Variants in CACNA1G observed in about 807,000 individuals in gnomAD.
The protein encoded by CACNA1G is calcium voltage-gated channel subunit alpha1 G, also known as voltage-dependent T-type calcium channel subunit alpha-1G.
Under a neutral mutation model 219.4 loss-of-function variants are expected in CACNA1G, and 67 were observed. That is an observed-to-expected ratio of 0.31 (90% CI 0.25 to 0.37). CACNA1G has a LOEUF of 0.37. Ranked by LOEUF, CACNA1G falls within the 10% of genes least tolerant of loss-of-function variation. The pLI, the probability that CACNA1G is intolerant of heterozygous loss-of-function variation, is 1.00. For synonymous variants in CACNA1G, 1,296 were observed against 1,345.3 expected (o/e 0.96, Z 0.80); for missense variants, 2,380 against 3,231.4 (o/e 0.74, Z 6.39).
chr17:50,620,869 G>T (rs1227207186), intron 34 of CACNA1G, among the ~76,000 whole-genome samples: 2 of 152,236 alleles, frequency 1.3e-5, no homozygotes, highest in Non-Finnish European at 2.9e-5. Context: ...ACAGGGAAAG[G>T]TTGTGGGAGA....
chr17:50,598,855 T>A (rs918838586), intron 16 of CACNA1G, among the ~76,000 whole-genome samples: 2 of 152,144 alleles, frequency 1.3e-5, no homozygotes, highest in African/African-American at 4.8e-5. Context: ...GCCTCCTGAG[T>A]AGCTGGGATT....
In CACNA1G at chr17:50,568,996, G is replaced by A. The variant is rs1391823877; in HGVS notation, c.354+15G>A. 11 of 1,488,056 alleles carry A rather than the reference G, an allele frequency of 7.4e-6. No individual in the cohort carries two copies. Among genetic ancestry groups the A allele is most frequent in the Non-Finnish European group, 1.0e-5 (11 of 1,103,864 alleles). The allele number at this position is 1,488,056 out of a possible 1,614,324, so 92.2% of individuals were successfully genotyped here. On this transcript the variant is annotated intron_variant, in intron 2 of 37. Coordinates refer to ENST00000359106, the MANE Select transcript of CACNA1G (RefSeq NM_018896.5). Reference sequence around the variant, plus strand: ...GGATCCTGCAGGTGAGTGTGTGTGTGTGTGTGTGTGTGTGTGTGTTGTGTG... The same window carrying A: ...GGATCCTGCAGGTGAGTGTGTGTGTATGTGTGTGTGTGTGTGTGTTGTGTG...
At position 50,599,842 on chromosome 17, in the gene CACNA1G, G is replaced by A. The variant is rs1171766628; in HGVS notation, c.3673G>A (p.Asp1225Asn). 9.3e-6 allele frequency: 15 copies of A among 1,607,514 alleles called. No individual in the cohort carries two copies. Among genetic ancestry groups the A allele is most frequent in the African/African-American group, 2.7e-5 (2 of 75,046 alleles). The change falls in exon 17 of 38, where the codon GAT becomes AAT. Residue 1225 changes from aspartate to asparagine, a missense_variant. Transcript: ENST00000359106. Reference sequence around the variant, plus strand: ...CCCCCCACTGGATGGGGATGACGCCGATGACGAGGGCAACCTGGTGAGGCC... The same window carrying A: ...CCCCCCACTGGATGGGGATGACGCCAATGACGAGGGCAACCTGGTGAGGCC... ...DDPPLDGDDADDEGNLSKGER... is the reference protein window; with the variant it reads ...DDPPLDGDDANDEGNLSKGER...
At chr17:50,606,224 T>C in intron 23 of CACNA1G, 1 of 771,606 alleles carries the variant, frequency 1.3e-6, no homozygotes, top group East Asian at 2.6e-5. Flanking sequence ...CCATGGGGTC[T>C]CTAGCCGTCC....
At chr17:50,612,203 T>G (rs980874981) in intron 26 of CACNA1G, among the ~76,000 whole-genome samples, 1 of 152,192 alleles carries the variant, frequency 6.6e-6, no homozygotes, top group Non-Finnish European at 1.5e-5. Context: ...GGGGACAGAG[T>G]CAAACGCAGT....
At chr17:50,569,853 T>G (rs1324241599) in intron 4 of CACNA1G, 50 bp downstream of exon 4, 1 of 1,394,810 alleles carries the variant, frequency 7.2e-7, no homozygotes, top group East Asian at 2.5e-5. Flanking sequence ...CAGGAGGAAA[T>G]GTGGAACTCT....
In CACNA1G at chr17:50,571,863, C is replaced by T. The variant is rs775757303; in HGVS notation, c.587-15C>T. 1.9e-6 allele frequency: 3 copies of T among 1,612,930 alleles called. No individual in the cohort carries two copies. The highest frequency in any genetic ancestry group is 3.3e-5 in the Admixed American group (2 of 60,022). On this transcript the variant is annotated splice_polypyrimidine_tract_variant and intron_variant, in intron 4 of 37. Coordinates refer to ENST00000359106, the MANE Select transcript of CACNA1G (RefSeq NM_018896.5). The surrounding 1 kb of genome is among the most constrained non-coding windows in gnomAD (Gnocchi z 4.3). ...GGCCAGCCTGGTGTCCCCAGCGTGG[C>T]TTCTGCCCCCACAGGCATGCGCATC... is the stretch of plus-strand genomic sequence containing the variant.
At chr17:50,569,347 T>TC (rs1184371937) in intron 3 of CACNA1G, 49 bp downstream of exon 3, 1 of 1,597,216 alleles carries the variant, frequency 6.3e-7, no homozygotes, top group African/African-American at 1.3e-5. Context: ...ATCGGTCCCT[T>TC]CCCCGGGGCC....
At chr17:50,565,871 G>A (rs761214152) in intron 1 of CACNA1G, among the ~76,000 whole-genome samples, 3 of 152,164 alleles carry the variant, frequency 2.0e-5, no homozygotes, top group African/African-American at 7.2e-5. Context: ...TCTCTCTGCC[G>A]TTTCCTTTTT....
Position 50,569,550 on chromosome 17 carries a change from C to A in CACNA1G, c.489-156C>A, listed in dbSNP as rs558482815. Among the ~76,000 whole-genome samples, 3 of 152,126 alleles carry A rather than the reference C, an allele frequency of 2.0e-5. No individual in the cohort carries two copies. The East Asian group carries it at 5.8e-4, about 29-fold the overall frequency. On this transcript the variant is annotated intron_variant, in intron 3 of 37. Transcript: ENST00000359106. ...CCTTGTCTCGGGGTAGCCTTGCCCC[C>A]CAGACAGAGAGCCGGATCTTCAGGG...
Position 50,571,773 on chromosome 17 carries a change from A to G in CACNA1G, c.587-105A>G. 8.5e-7 allele frequency: 1 copy of G among 1,174,136 alleles called. No homozygotes were observed. Among genetic ancestry groups the G allele is most frequent in the Non-Finnish European group, 1.2e-6 (1 of 809,580 alleles). The allele number at this position is 1,174,136 out of a possible 1,614,324, so 72.7% of individuals were successfully genotyped here. On this transcript the variant is annotated intron_variant, in intron 4 of 37. Transcript: ENST00000359106. This position sits in a 1 kb window ranked among gnomAD's most constrained non-coding sequence, Gnocchi z 4.3. ...CCTCCAGCTTGAGCCGGGCCGTCTC[A>G]GCCTCAGAGTCCCTGGTGGGGCCCC...
intron 7 of CACNA1G, among the ~76,000 whole-genome samples, chr17:50,574,183 G>A (rs2040079662): frequency 6.6e-6 from 1 of 152,310 alleles, no homozygotes; most frequent in Admixed American, 6.5e-5. Context: ...GTAAGCGGCT[G>A]GGGCTGAGAA....
chr17:50,604,264 G>A lies in CACNA1G; in HGVS notation c.4279G>A (p.Gly1427Ser). Residue 1427 changes from glycine (G) to serine (S), a missense_variant, in exon 22 of 38, where the codon GGC (glycine) becomes AGC (serine). Physicochemically the swap from Gly to Ser is moderately conservative, Grantham distance 56. Coordinates refer to ENST00000359106, the MANE Select transcript of CACNA1G (RefSeq NM_018896.5). Reference sequence around the variant, plus strand: ...CTGCTGTGCCTTCTTCATCATTTTCGGCATCTTGGGGGTGCAGGTGTGTGG... The same window carrying A: ...CTGCTGTGCCTTCTTCATCATTTTCAGCATCTTGGGGGTGCAGGTGTGTGG... ...VICCAFFIIF[G>S]ILGVQLFKGK... 1 of 1,613,396 alleles carries A rather than the reference G, an allele frequency of 6.2e-7. No homozygotes were observed.
At chr17:50,610,117 G>T (rs1355311675) in intron 26 of CACNA1G, among the ~76,000 whole-genome samples, 182 bp downstream of exon 26, 1 of 152,228 alleles carries the variant, frequency 6.6e-6, no homozygotes, top group Non-Finnish European at 1.5e-5. Context: ...TGGACGGGAG[G>T]CGAGGGCCTG....
In CACNA1G at chr17:50,627,298, C is replaced by A; in HGVS notation, c.*547C>A. ...CGGAGAGCGAGAACCATTTTGGAAA[C>A]TGTAATGTAACTTATTTTTTCCTTT... On this transcript the variant is annotated 3_prime_UTR_variant, in exon 38 of 38. Transcript: ENST00000359106. 2 of 439,152 alleles carry A rather than the reference C, an allele frequency of 4.6e-6. No individual in the cohort carries two copies. The highest frequency in any genetic ancestry group is 2.0e-5 in the African/African-American group (1 of 49,454). The allele number at this position is 439,152 out of a possible 1,614,324, so 27.2% of individuals were successfully genotyped here.
At chr17:50,582,284 G>A (rs1162657511) in intron 9 of CACNA1G, among the ~76,000 whole-genome samples, 1 of 152,206 alleles carries the variant, frequency 6.6e-6, no homozygotes, top group Admixed American at 6.5e-5. Flanking sequence ...AGCCAGTGAA[G>A]GTGAAGGGCA....
intron 8 of CACNA1G, among the ~76,000 whole-genome samples, chr17:50,576,571 G>A (rs574539389): frequency 5.3e-5 from 8 of 152,312 alleles, no homozygotes; most frequent in South Asian, 2.1e-4. Flanking sequence ...CACCTGCTTC[G>A]TGCTGTTTGC....
intron 33 of CACNA1G, 110 bp from the exon 34 acceptor site, chr17:50,619,571 CCT>C (rs2051296388): frequency 3.1e-6 from 3 of 968,202 alleles, no homozygotes; most frequent in Admixed American, 2.3e-5. Context: ...CTGGGTGTCA[CCT>C]CTTTCTCCTC....
At position 50,578,041 on chromosome 17, in the gene CACNA1G, C is replaced by A; in HGVS notation, c.1925-147C>A. ...GGTCAAGACTGCCCACCTTGCCTGA[C>A]ATTCAGCACCCCTGGCCCACTAAGT... On this transcript the variant is annotated intron_variant, in intron 8 of 37. Coordinates refer to ENST00000359106, the MANE Select transcript of CACNA1G (RefSeq NM_018896.5). This position sits in a 1 kb window ranked among gnomAD's most constrained non-coding sequence, Gnocchi z 4.5. 1.1e-6 allele frequency: 1 copy of A among 877,114 alleles called. No individual in the cohort carries two copies. Among genetic ancestry groups the A allele is most frequent in the Non-Finnish European group, 1.6e-6 (1 of 608,352 alleles). 54.3% of individuals were successfully genotyped at this position (877,114 alleles called of 1,614,324 possible). A position where few individuals can be genotyped will look rare whatever the true frequency, so the allele number is the denominator to read the frequency against.
Sources: gnomAD v4.1 joint callset for allele counts (sites outside exome capture counted in the v4.1 genomes callset) on GRCh38, gnomAD v4.1.1 for gene constraint, Gnocchi (gnomAD v3.1) non-coding constraint, MANE v1.5 for transcripts, NCBI Gene and HGNC (gene_info 2026-07-23, HGNC 2026-07-21) for gene names.